TMTC1: variants seen among roughly 807,000 people sequenced by gnomAD.
The protein encoded by TMTC1 is transmembrane O-mannosyltransferase targeting cadherins 1, also known as protein O-mannosyl-transferase TMTC1.
A neutral mutation model predicts 104.8 loss-of-function variants in TMTC1; 73 were observed. The ratio of observed to expected loss-of-function variants is 0.70; its 90% confidence interval spans 0.58 to 0.85. The LOEUF is 0.85. Among genes scored for constraint, TMTC1 ranks in the 40% least tolerant of loss-of-function variants. The pLI, the probability that TMTC1 is intolerant of heterozygous loss-of-function variation, is 0.00. For missense variants in TMTC1, 1,035 were observed against 1,096.1 expected (o/e 0.94, Z 0.79); for synonymous variants, 434 against 428.7 (o/e 1.01, Z -0.15).
intron 8 of TMTC1, among the ~76,000 whole-genome samples, chr12:29,572,784 CT>C (rs1480873070): frequency 6.6e-6 from 1 of 152,168 alleles, no homozygotes; most frequent in Admixed American, 6.5e-5. Flanking sequence ...CCGTTTCTTC[CT>C]TTTGCATCTG....
intron 7 of TMTC1, among the ~76,000 whole-genome samples, chr12:29,586,806 G>A (rs1288837746): frequency 6.7e-6 from 1 of 150,100 alleles, no homozygotes; most frequent in African/African-American, 2.5e-5. Context: ...TGGTGGATAA[G>A]CTTTTTGATG....
chr12:29,558,341 CT>C (rs1565670319), intron 9 of TMTC1, among the ~76,000 whole-genome samples: 1 of 152,206 alleles, frequency 6.6e-6, no homozygotes, highest in Non-Finnish European at 1.5e-5. Context: ...TGCTTGCCCC[CT>C]GTTCTGTACC....
rs1206510743 is a variant in TMTC1 at position 29,783,646 on chromosome 12, C to T, written c.106G>A (p.Ala36Thr). The T allele has an allele frequency of 1.2e-5, 17 of 1,424,358 alleles. No individual in the cohort carries two copies. The allele number at this position is 1,424,358 out of a possible 1,614,324, so 88.2% of individuals were successfully genotyped here. Residue 36 changes from alanine (A) to threonine (T), a missense_variant, in exon 1 of 18, where the codon GCA (alanine) becomes ACA (threonine). Physicochemically the swap from Ala to Thr is moderately conservative, Grantham distance 58 (BLOSUM62 0). Coordinates refer to ENST00000539277, the MANE Select transcript of TMTC1 (RefSeq NM_001193451.2). The surrounding 1 kb of genome is among the most constrained non-coding windows in gnomAD (Gnocchi z 4.7). ...GAGCGGCCGTAGCACAGGCAGCTTG[C>T]CCCGGCCAGCAGCGCCGCGGCCCCG... ...PAGAAALLAGASCLCYGRSLQ... is the reference protein window; with the variant it reads ...PAGAAALLAGTSCLCYGRSLQ...
chr12:29,628,201 T>C (rs979610970), intron 6 of TMTC1, among the ~76,000 whole-genome samples: 2 of 152,202 alleles, frequency 1.3e-5, no homozygotes, highest in African/African-American at 4.8e-5. Context: ...TTATCTCAAC[T>C]TAATTAGTGA....
At chr12:29,571,779 T>C (rs545835656) in intron 9 of TMTC1, among the ~76,000 whole-genome samples, 2 of 152,296 alleles carry the variant, frequency 1.3e-5, no homozygotes, top group South Asian at 4.1e-4. Context: ...GCAATAAATA[T>C]CATGAGAACT....
At chr12:29,559,414 C>T (rs1314642895) in intron 9 of TMTC1, among the ~76,000 whole-genome samples, 1 of 152,214 alleles carries the variant, frequency 6.6e-6, no homozygotes, top group African/African-American at 2.4e-5. Context: ...TTTCAAAGGT[C>T]ACTGACTACA....
chr12:29,724,203 A>AT (rs1942317466), intron 5 of TMTC1, among the ~76,000 whole-genome samples: 1 of 152,242 alleles, frequency 6.6e-6, no homozygotes, highest in African/African-American at 2.4e-5. Context: ...CACAGTTAGA[A>AT]AATATTTCAT....
chr12:29,551,557 A>G (rs939920766), intron 10 of TMTC1, among the ~76,000 whole-genome samples: 1 of 152,196 alleles, frequency 6.6e-6, no homozygotes, highest in Non-Finnish European at 1.5e-5. Context: ...CTATTATGTG[A>G]ACAAAAGGTA....
chr12:29,565,144 A>C (rs1477203260), intron 9 of TMTC1, among the ~76,000 whole-genome samples: 1 of 152,176 alleles, frequency 6.6e-6, no homozygotes, highest in Non-Finnish European at 1.5e-5. Flanking sequence ...CTGGGGACCC[A>C]GGGAGGAGCT....
intron 10 of TMTC1, among the ~76,000 whole-genome samples, chr12:29,553,083 T>C (rs1198416607): frequency 6.6e-6 from 1 of 152,208 alleles, no homozygotes; most frequent in East Asian, 1.9e-4. Context: ...TGCAGGGTGG[T>C]CCTTTCTCCC....
At chr12:29,559,203 C>G (rs563506400) in intron 9 of TMTC1, among the ~76,000 whole-genome samples, 22 of 152,256 alleles carry the variant, frequency 1.4e-4, no homozygotes, top group South Asian at 4.1e-4. Context: ...AGGCTCTGAG[C>G]CCTTGAAATG....
At chr12:29,672,958 C>T (rs973934623) in intron 5 of TMTC1, among the ~76,000 whole-genome samples, 35 of 152,170 alleles carry the variant, frequency 2.3e-4, no homozygotes, top group African/African-American at 8.0e-4. Flanking sequence ...TTTTCTGGCC[C>T]CCACCCCTAA....
chr12:29,688,850 C>T (rs187117341), intron 5 of TMTC1, among the ~76,000 whole-genome samples: 1,622 of 151,966 alleles, frequency 0.011, 34 homozygotes, highest in African/African-American at 0.037. Flanking sequence ...TTGTTGGGAA[C>T]AAAGCCCAAT....
intron 11 of TMTC1, chr12:29,535,729 G>C (rs1042499798): frequency 1.5e-4 from 24 of 157,778 alleles, no homozygotes; most frequent in Middle Eastern, 6.2e-3. Flanking sequence ...CTGAAAAGAA[G>C]GAGGGGATTG....
intron 5 of TMTC1, among the ~76,000 whole-genome samples, chr12:29,644,074 G>T (rs2350535): frequency 0.68 from 23,915 of 35,338 alleles, 7,567 homozygotes; most frequent in Middle Eastern, 0.72. Context: ...ATAATTTATA[G>T]ATAAATATAA....
At chr12:29,720,040 G>T (rs1208251510) in intron 5 of TMTC1, among the ~76,000 whole-genome samples, 1 of 152,104 alleles carries the variant, frequency 6.6e-6, no homozygotes, top group East Asian at 1.9e-4. Context: ...CCATCTTGAG[G>T]ACTCAGTAAC....
At chr12:29,612,418 T>A (rs932613229) in intron 6 of TMTC1, among the ~76,000 whole-genome samples, 55 of 150,612 alleles carry the variant, frequency 3.7e-4, no homozygotes, top group African/African-American at 8.2e-4. Context: ...TAAAAAAAAA[T>A]TTTTTTTTGA....
chr12:29,680,900 C>T (rs1363167417), intron 5 of TMTC1, among the ~76,000 whole-genome samples: 1 of 152,058 alleles, frequency 6.6e-6, no homozygotes, highest in Non-Finnish European at 1.5e-5. Context: ...GAGTTCGAGA[C>T]CAGCCTGGCC....
rs578180968 is a variant in TMTC1, at chr12:29,594,296, G to A, written c.1250+9882C>T. The stretch of plus-strand genomic sequence containing the variant: ...ACGAACTACTATATTTGAGAGTCCA[G>A]CAACTTCACTTTGGAAGCAAAGGCA... On this transcript the variant is annotated intron_variant, in intron 7 of 17. Transcript: ENST00000539277. 9.2e-5 allele frequency among the ~76,000 whole-genome samples: 14 copies of A among 152,334 alleles called. 1 individual carries two copies. The South Asian group carries it at 2.7e-3, about 29-fold the overall frequency.
Sources: gnomAD v4.1 joint callset for allele counts (sites outside exome capture counted in the v4.1 genomes callset) on GRCh38, gnomAD v4.1.1 for gene constraint, Gnocchi (gnomAD v3.1) non-coding constraint, MANE v1.5 for transcripts, NCBI Gene and HGNC (gene_info 2026-07-23, HGNC 2026-07-21) for gene names.